C2orf80: variants seen among roughly 807,000 people sequenced by gnomAD.
C2orf80 encodes the protein chromosome 2 open reading frame 80.
In C2orf80, 28 loss-of-function variants were observed where a neutral mutation model predicts 30.2. The observed-to-expected ratio is 0.93, with a 90% CI of 0.69 to 1.27. The LOEUF (loss-of-function observed/expected upper bound fraction) is 1.27, where lower values mean the gene tolerates loss of function less well. Ranked by LOEUF, C2orf80 falls within the 50% of genes most tolerant of loss-of-function variation. The pLI is 0.00. For missense variants in C2orf80, 220 were observed against 231.0 expected (o/e 0.95, Z 0.31); for synonymous variants, 80 against 76.4 (o/e 1.05, Z -0.24).
intron 4 of C2orf80, 72 bp from the exon 5 acceptor site, chr2:208,181,377 A>T: frequency 1.0e-6 from 1 of 965,768 alleles, no homozygotes; most frequent in African/African-American, 1.6e-5. Flanking sequence ...GGTTGTGATG[A>T]TAATCGATAA....
At position 208,181,310 on chromosome 2, in the gene C2orf80, T is replaced by C. The variant is rs1380105557; in HGVS notation, c.207-5A>G. The C allele has an allele frequency of 1.3e-6, 2 of 1,568,488 alleles. No individual in the cohort carries two copies. Among genetic ancestry groups the C allele is most frequent in the Admixed American group, 1.7e-5 (1 of 59,874 alleles). On this transcript the variant is annotated splice_region_variant and splice_polypyrimidine_tract_variant and intron_variant, in intron 4 of 8. Transcript: ENST00000341287. ...CTGCCATGGAGTGGTATTTTCCTAATGGGGAATAGGAAATACAAGTGGAAG... is the reference window on the plus strand; with the variant it reads ...CTGCCATGGAGTGGTATTTTCCTAACGGGGAATAGGAAATACAAGTGGAAG...
chr2:208,188,497 G>A (rs1450572506), intron 1 of C2orf80, among the ~76,000 whole-genome samples: 1 of 151,322 alleles, frequency 6.6e-6, no homozygotes, highest in African/African-American at 2.4e-5. Context: ...CCAGGCTGGA[G>A]TGCAGTGGCA....
chr2:208,189,937 T>C lies in C2orf80; in HGVS notation c.-76+16A>G. The C allele has an allele frequency of 1.4e-6, 1 of 702,964 alleles. No individual in the cohort carries two copies. The highest frequency in any genetic ancestry group is 2.6e-6 in the Non-Finnish European group (1 of 384,980). The allele number at this position is 702,964 out of a possible 1,614,324, so 43.5% of individuals were successfully genotyped here. On this transcript the variant is annotated intron_variant, in intron 1 of 8. Coordinates refer to ENST00000341287, the MANE Select transcript of C2orf80 (RefSeq NM_001099334.3). Reference sequence around the variant, plus strand: ...AGTGCCTGCTCTTAACAAATTCCCCTTTGAGAATCGCTCACCAACCGGAGA... The same window carrying C: ...AGTGCCTGCTCTTAACAAATTCCCCCTTGAGAATCGCTCACCAACCGGAGA...
chr2:208,180,062 C>G (rs1696505357), intron 6 of C2orf80, among the ~76,000 whole-genome samples: 1 of 152,092 alleles, frequency 6.6e-6, no homozygotes, highest in Non-Finnish European at 1.5e-5. Context: ...GGATCTTGTC[C>G]TAGTTCTAGA....
At chr2:208,188,334 T>C (rs1384667990) in intron 1 of C2orf80, among the ~76,000 whole-genome samples, 1 of 152,150 alleles carries the variant, frequency 6.6e-6, no homozygotes, top group Non-Finnish European at 1.5e-5. Context: ...TTGAAAATGG[T>C]ACCATATAAA....
At chr2:208,176,892 T>TAC (rs375179768) in intron 6 of C2orf80, among the ~76,000 whole-genome samples, 1,883 of 61,926 alleles carry the variant, frequency 0.03, 204 homozygotes, top group African/African-American at 0.12. Context: ...CATAGGTGTA[T>TAC]ATATATACAT....
rs1311582908 is a variant in C2orf80 at position 208,165,794 on chromosome 2, C to A, written c.*13G>T. The A allele has an allele frequency of 6.2e-7, 1 of 1,611,692 alleles. No homozygotes were observed. ...GAATCTATTATGAAGTTCCATGGTA[C>A]AATTCCAATTTTCTAAGTGACCTGC... On this transcript the variant is annotated 3_prime_UTR_variant, in exon 9 of 9. Coordinates refer to ENST00000341287, the MANE Select transcript of C2orf80 (RefSeq NM_001099334.3).
chr2:208,189,863 C>G (rs1294009481), intron 1 of C2orf80, 90 bp downstream of exon 1: 6 of 694,676 alleles, frequency 8.6e-6, no homozygotes, highest in Non-Finnish European at 1.6e-5. Context: ...TGCAGGTTCC[C>G]TGCTGCACAC....
chr2:208,188,085 C>CGT (rs139478315), intron 1 of C2orf80, among the ~76,000 whole-genome samples: 49,072 of 143,850 alleles, frequency 0.34, 8,640 homozygotes, highest in Non-Finnish European at 0.42. Flanking sequence ...TATACTGCAC[C>CGT]GTGTGTGTGT....
At chr2:208,175,761 T>C (rs1467827337) in intron 6 of C2orf80, among the ~76,000 whole-genome samples, 2 of 152,072 alleles carry the variant, frequency 1.3e-5, no homozygotes, top group Non-Finnish European at 2.9e-5. Flanking sequence ...AAAACTCTAG[T>C]TAAAACCATT....
intron 3 of C2orf80, 76 bp from the exon 4 acceptor site, chr2:208,183,123 T>TGGGTCCA: frequency 8.8e-7 from 1 of 1,141,144 alleles, no homozygotes; most frequent in Non-Finnish European, 1.3e-6. Flanking sequence ...CCAATGACAA[T>TGGGTCCA]GGGACTGCTA....
chr2:208,176,325 A>C (rs1396644510), intron 6 of C2orf80, among the ~76,000 whole-genome samples: 2 of 152,086 alleles, frequency 1.3e-5, no homozygotes, highest in Non-Finnish European at 2.9e-5. Flanking sequence ...ACAGGAGCCC[A>C]CCACCACACC....
At chr2:208,180,684 T>A (rs746984531) in intron 6 of C2orf80, 61 bp downstream of exon 6, 53 of 1,298,034 alleles carry the variant, frequency 4.1e-5, no homozygotes, top group Non-Finnish European at 5.6e-5. Context: ...ATTATACATT[T>A]ATACACTAAA....
intron 6 of C2orf80, among the ~76,000 whole-genome samples, chr2:208,175,953 G>A (rs1468651605): frequency 2.0e-5 from 3 of 152,108 alleles, no homozygotes; most frequent in Non-Finnish European, 4.4e-5. Flanking sequence ...CTGGAGGCGG[G>A]GAGCTTGTGA....
chr2:208,179,967 C>A (rs1220698487), intron 6 of C2orf80, among the ~76,000 whole-genome samples: 1 of 152,086 alleles, frequency 6.6e-6, no homozygotes, highest in East Asian at 1.9e-4. Context: ...CAGTGAGACC[C>A]GTCTTTAAAA....
intron 6 of C2orf80, among the ~76,000 whole-genome samples, 188 bp from the exon 7 acceptor site, chr2:208,172,263 C>T (rs940052015): frequency 6.6e-6 from 1 of 152,164 alleles, no homozygotes; most frequent in Non-Finnish European, 1.5e-5. Flanking sequence ...TGAACTTGCA[C>T]ACATGGCCTT....
In C2orf80 at chr2:208,171,074, A is replaced by G. The variant is rs1334533658; in HGVS notation, c.455-11T>C. On this transcript the variant is annotated splice_polypyrimidine_tract_variant and intron_variant, in intron 7 of 8. Transcript: ENST00000341287. ...TTCTTGACTTGACACCTACAGACAG[A>G]TGCAGTAACCATATCTGTATATAAA... The G allele has an allele frequency of 6.3e-7, 1 of 1,575,482 alleles. No homozygotes were observed. The highest frequency in any genetic ancestry group is 8.7e-7 in the Non-Finnish European group (1 of 1,144,946).
chr2:208,189,216 A>G (rs889137926), intron 1 of C2orf80, among the ~76,000 whole-genome samples: 1 of 152,190 alleles, frequency 6.6e-6, no homozygotes, highest in African/African-American at 2.4e-5. Flanking sequence ...GCTTTAATCC[A>G]TTCTTGTCTT....
rs186787730 is a variant in C2orf80 at position 208,169,681 on chromosome 2, C to T, written c.573+1264G>A. ...TAAGCTGAGATTGTGCCATTGCACTCGAGTGTGGGTGACAGAGTGAGACTC... is the reference window on the plus strand; with the variant it reads ...TAAGCTGAGATTGTGCCATTGCACTTGAGTGTGGGTGACAGAGTGAGACTC... On this transcript the variant is annotated intron_variant, in intron 8 of 8. Coordinates refer to ENST00000341287, the MANE Select transcript of C2orf80 (RefSeq NM_001099334.3). Among the ~76,000 whole-genome samples, 411 of 136,980 alleles carry T rather than the reference C, an allele frequency of 3.0e-3. 1 individual carries two copies. Among genetic ancestry groups the T allele is most frequent in the African/African-American group, 0.011 (383 of 35,844 alleles). 89.9% of individuals were successfully genotyped at this position (136,980 alleles called of 152,430 possible).
Sources: allele counts gnomAD v4.1 joint callset (sites outside exome capture counted in the v4.1 genomes callset), GRCh38; gene constraint gnomAD v4.1.1; transcripts MANE v1.5; gene names NCBI Gene and HGNC (gene_info 2026-07-23, HGNC 2026-07-21).